The following TPR variants were observed in gnomAD, a reference collection of about 807,000 sequenced individuals.
The protein encoded by TPR is nucleoprotein TPR.
A neutral mutation model predicts 316.1 loss-of-function variants in TPR; 51 were observed. That is an observed-to-expected ratio of 0.16 (90% CI 0.13 to 0.20). The LOEUF (loss-of-function observed/expected upper bound fraction) is 0.20, where lower values mean the gene tolerates loss of function less well. Ranked by LOEUF, TPR falls within the 10% of genes least tolerant of loss-of-function variation. The pLI is 1.00. For missense variants in TPR, 2,272 were observed against 2,754.8 expected, an observed-to-expected ratio of 0.82 and a Z score of 3.92; for synonymous variants, 981 against 914.7, an observed-to-expected ratio of 1.07 and a Z score of -1.31.
chr1:186,330,784 G>A lies in TPR; in HGVS notation c.5688+714C>T, dbSNP rs79887443. On this transcript the variant is annotated intron_variant, in intron 39 of 50. Transcript: ENST00000367478. ...CTATTAAACACTATTTAGCCACCCTGGGGGTCTTCTTGATGACAATATGAA... is the reference window on the plus strand; with the variant it reads ...CTATTAAACACTATTTAGCCACCCTAGGGGTCTTCTTGATGACAATATGAA... 6.1e-3 allele frequency among the ~76,000 whole-genome samples: 928 copies of A among 152,136 alleles called. 14 individuals carry two copies. The highest frequency in any genetic ancestry group is 0.022 in the African/African-American group (898 of 41,540).
intron 26 of TPR, 143 bp from the exon 27 acceptor site, chr1:186,343,616 T>C: frequency 1.2e-6 from 1 of 812,520 alleles, no homozygotes; most frequent in East Asian, 2.7e-5. Flanking sequence ...TAATGGGAGA[T>C]GTATTTCTAT....
chr1:186,353,401 C>A (rs1331382380), intron 18 of TPR, among the ~76,000 whole-genome samples: 3 of 151,668 alleles, frequency 2.0e-5, no homozygotes, highest in Admixed American at 2.0e-4. Context: ...AAAAAAACGT[C>A]TTTGTTAGAA....
chr1:186,339,791 A>G lies in TPR; in HGVS notation c.4021-19T>C. ...CTAGATGCTAGAATAACAAAAATGC[A>G]TACTTGATTTTTTTAGGTTTTATGA... On this transcript the variant is annotated intron_variant, in intron 29 of 50. Transcript: ENST00000367478. 1.9e-6 allele frequency: 3 copies of G among 1,548,958 alleles called. No homozygotes were observed. Among genetic ancestry groups the G allele is most frequent in the Non-Finnish European group, 2.6e-6 (3 of 1,153,110 alleles).
chr1:186,364,798 G>A (rs1200163722), intron 4 of TPR, among the ~76,000 whole-genome samples: 1 of 152,108 alleles, frequency 6.6e-6, no homozygotes, highest in African/African-American at 2.4e-5. Flanking sequence ...GTACTATTCT[G>A]GAAAAAACAA....
chr1:186,347,144 C>G, intron 22 of TPR, 148 bp downstream of exon 22: 1 of 774,382 alleles, frequency 1.3e-6, no homozygotes. Flanking sequence ...TTTTATCTGG[C>G]TTATGAGACT....
At chr1:186,336,732 T>C (rs1468222645) in intron 32 of TPR, 38 bp from the exon 33 acceptor site, 1 of 1,584,686 alleles carries the variant, frequency 6.3e-7, no homozygotes. Flanking sequence ...TGGAATTCAA[T>C]CATTTCAATA....
chr1:186,355,621 G>C lies in TPR; in HGVS notation c.2022+14C>G, dbSNP rs540678583. 6.2e-7 allele frequency: 1 copy of C among 1,613,894 alleles called. No individual in the cohort carries two copies. Among genetic ancestry groups the C allele is most frequent in the Non-Finnish European group, 8.5e-7 (1 of 1,179,992 alleles). ...CTCTAAAAACCTAACCCAGGACAAA[G>C]GTGTGATCTTTACCTGTTTAAGGGC... On this transcript the variant is annotated intron_variant, in intron 16 of 50. Coordinates refer to ENST00000367478, the MANE Select transcript of TPR (RefSeq NM_003292.3).
At chr1:186,372,969 TCTA>T (rs1200423345) in intron 2 of TPR, among the ~76,000 whole-genome samples, 1 of 152,214 alleles carries the variant, frequency 6.6e-6, no homozygotes, top group Non-Finnish European at 1.5e-5. Flanking sequence ...CAAGCCACTC[TCTA>T]CTTCTTTAGT....
At chr1:186,350,094 G>GA in intron 21 of TPR, 129 bp downstream of exon 21, 1 of 932,564 alleles carries the variant, frequency 1.1e-6, no homozygotes, top group Non-Finnish European at 1.5e-6. Flanking sequence ...AAAAAGTTGG[G>GA]TTTTTTTTTG....
Position 186,355,507 on chromosome 1 carries a change from T to G in TPR, c.2074A>C (p.Ile692Leu). 1 of 1,612,422 alleles carries G rather than the reference T, an allele frequency of 6.2e-7. No homozygotes were observed. Among genetic ancestry groups the G allele is most frequent in the Non-Finnish European group, 8.5e-7 (1 of 1,179,698 alleles). The change falls in exon 17 of 51, where the codon ATA (isoleucine) becomes CTA (leucine). Residue 692 changes from isoleucine to leucine, a missense_variant. Transcript: ENST00000367478. ...YKKEKAENEKIQNEQLEKLQE... is the reference protein window; with the variant it reads ...YKKEKAENEKLQNEQLEKLQE... ...AGTTTCTCAAGCTGCTCATTTTGTA[T>G]TTTTTCATTTTCTGCTTTTTCTTTT... is the stretch of plus-strand genomic sequence containing the variant.
At chr1:186,341,952 G>A (rs1280310964) in intron 27 of TPR, 1 of 152,078 alleles carries the variant, frequency 6.6e-6, no homozygotes, top group Non-Finnish European at 1.5e-5. Context: ...TGCTTAGACA[G>A]ACATTACATT....
Position 186,344,360 on chromosome 1 carries a change from G to T in TPR, c.3417+15C>A, listed in dbSNP as rs772113088. On this transcript the variant is annotated intron_variant, in intron 25 of 50. Coordinates refer to ENST00000367478, the MANE Select transcript of TPR (RefSeq NM_003292.3). ...TCAATTCAACAGAACATTCTATTCA[G>T]ATTTACAATAATACCTTTAACATTC... 6.2e-7 allele frequency: 1 copy of T among 1,609,670 alleles called. No homozygotes were observed.
At chr1:186,337,565 ATATT>A (rs1658378797) in intron 31 of TPR, among the ~76,000 whole-genome samples, 1 of 152,072 alleles carries the variant, frequency 6.6e-6, no homozygotes, top group African/African-American at 2.4e-5. Context: ...TTTTTTCTTT[ATATT>A]TATTTTCTAA....
intron 27 of TPR, 79 bp downstream of exon 27, chr1:186,343,247 T>A: frequency 6.7e-7 from 1 of 1,503,304 alleles, no homozygotes; most frequent in Non-Finnish European, 8.9e-7. Context: ...AAATTTTACA[T>A]TACGTTAAAT....
Position 186,327,642 on chromosome 1 carries a change from A to C in TPR, c.5707T>G (p.Tyr1903Asp). The change falls in exon 40 of 51, where the codon TAT becomes GAT. Residue 1903 changes from tyrosine (Y) to aspartate (D), a missense_variant. Physicochemically the swap from Tyr to Asp is radical, Grantham distance 160. Transcript: ENST00000367478. ...SIGEGVTQGD[Y>D]TPMEDSEETS... is the part of the protein sequence containing the mutation. ...TCTTCACTGTCTTCCATAGGTGTAT[A>C]ATCTCCCTGGGTAACTCCCTTTAAA... 1 of 1,613,292 alleles carries C rather than the reference A, an allele frequency of 6.2e-7. No individual in the cohort carries two copies. The highest frequency in any genetic ancestry group is 1.3e-5 in the African/African-American group (1 of 74,878).
At chr1:186,337,246 T>C in intron 31 of TPR, 90 bp from the exon 32 acceptor site, 1 of 1,438,648 alleles carries the variant, frequency 7.0e-7, no homozygotes, top group East Asian at 2.5e-5. Context: ...ATCACAGCTT[T>C]GCAAAGAAAT....
At chr1:186,314,608 C>G (rs764759364) in intron 50 of TPR, 21 bp downstream of exon 50, 6 of 1,571,148 alleles carry the variant, frequency 3.8e-6, no homozygotes, top group African/African-American at 1.4e-5. Context: ...ATCATGTAAT[C>G]CAGTTATGTC....
chr1:186,355,371 C>T, intron 17 of TPR, 39 bp downstream of exon 17: 1 of 1,574,412 alleles, frequency 6.4e-7, no homozygotes, highest in Non-Finnish European at 8.6e-7. Flanking sequence ...TAAAGTATAA[C>T]ATTTAGACTT....
At position 186,359,834 on chromosome 1, in the gene TPR, C is replaced by A. The variant is rs1321974510; in HGVS notation, c.1354G>T (p.Ala452Ser). The A allele has an allele frequency of 1.9e-6, 3 of 1,588,790 alleles. No homozygotes were observed. The highest frequency in any genetic ancestry group is 2.7e-5 in the African/African-American group (2 of 72,786). The change falls in exon 12 of 51, where the codon GCA (alanine) becomes TCA (serine). Residue 452 changes from alanine to serine, a missense_variant. Physicochemically the swap from Ala to Ser is moderately conservative, Grantham distance 99. Coordinates refer to ENST00000367478, the MANE Select transcript of TPR (RefSeq NM_003292.3). The stretch of plus-strand genomic sequence containing the variant: ...TGTTCAAGCTTAACAGATAAACTTG[C>A]TACAGCTTTCTGTGCACGTTCATAT... Reference protein sequence around the residue: ...EEYERAQKAVASLSVKLEQAM... With the variant: ...EEYERAQKAVSSLSVKLEQAM...
Sources: allele counts gnomAD v4.1 joint callset (sites outside exome capture counted in the v4.1 genomes callset), GRCh38; gene constraint gnomAD v4.1.1; transcripts MANE v1.5; gene names NCBI Gene and HGNC (gene_info 2026-07-23, HGNC 2026-07-21).